The following HEXA variants were observed in gnomAD, a reference collection of about 807,000 sequenced individuals.
HEXA encodes hexosaminidase subunit alpha, also known as beta-hexosaminidase subunit alpha.
A neutral mutation model predicts 73.3 loss-of-function variants in HEXA; 54 were observed. The observed-to-expected ratio is 0.74, with a 90% CI of 0.59 to 0.92. The LOEUF (loss-of-function observed/expected upper bound fraction) is 0.92, where lower values mean the gene tolerates loss of function less well. Ranked by LOEUF, HEXA falls within the 40% of genes least tolerant of loss-of-function variation. The pLI, the probability that HEXA is intolerant of heterozygous loss-of-function variation, is 0.00. For synonymous variants in HEXA, 230 were observed against 246.9 expected, an observed-to-expected ratio of 0.93 and a Z score of 0.64; for missense variants, 649 against 653.0, an observed-to-expected ratio of 0.99 and a Z score of 0.07.
At chr15:72,365,839 T>C (rs2088909064) in intron 1 of HEXA, among the ~76,000 whole-genome samples, 1 of 152,232 alleles carries the variant, frequency 6.6e-6, no homozygotes, top group Non-Finnish European at 1.5e-5. Flanking sequence ...ATCTATTTTC[T>C]TGGTAATCTT....
rs28941770 is a variant in HEXA at position 72,353,105 on chromosome 15, C to T, written c.533G>A (p.Arg178His). 6.2e-5 allele frequency: 100 copies of T among 1,613,298 alleles called. No homozygotes were observed. The highest frequency in any genetic ancestry group is 1.0e-4 in the Admixed American group (6 of 60,002). The change falls in exon 5 of 14, where the codon CGC becomes CAC. Residue 178 changes from arginine (R) to histidine (H), a missense_variant. Arg to His is a conservative substitution (Grantham distance 29). Transcript: ENST00000268097. ...PHRGLLLDTS[R>H]HYLPLSSILD... ...GATGCTAGAGAGTGGCAGGTAATGG[C>T]GAGATGTATCCAACAGCAAGCCCCG...
chr15:72,345,549 G>A lies in HEXA; in HGVS notation c.1423C>T (p.Pro475Ser). ...CTTTCGGCAACAGCCCCTGCTCTGG[G>A]CCTGGAGGAAAAGGGGCATGTGCCA... The part of the protein sequence containing the change: ...DNTNLVPRLW[P>S]RAGAVAERLW... Residue 475 changes from proline to serine, a missense_variant and splice_region_variant, in exon 13 of 14, where the codon CCC becomes TCC. Physicochemically the swap from Pro to Ser is moderately conservative, Grantham distance 74. Transcript: ENST00000268097. The A allele has an allele frequency of 6.2e-7, 1 of 1,614,150 alleles. No homozygotes were observed. The highest frequency in any genetic ancestry group is 8.5e-7 in the Non-Finnish European group (1 of 1,180,012).
chr15:72,347,843 C>A, intron 9 of HEXA, 85 bp from the exon 10 acceptor site: 5 of 1,330,596 alleles, frequency 3.8e-6, no homozygotes, highest in Non-Finnish European at 5.4e-6. Flanking sequence ...AGGGGTTGAG[C>A]CTGGCCAGGG....
At chr15:72,350,385 G>A (rs1464653903) in intron 7 of HEXA, 133 bp downstream of exon 7, 1 of 945,968 alleles carries the variant, frequency 1.1e-6, no homozygotes, top group Non-Finnish European at 1.7e-6. Context: ...TAAATTCCCA[G>A]GTGGAAGAAG....
intron 1 of HEXA, among the ~76,000 whole-genome samples, chr15:72,365,260 T>A (rs549202139): frequency 2.8e-4 from 43 of 152,080 alleles, no homozygotes; most frequent in Admixed American, 1.1e-3. Flanking sequence ...CGGCTAATTT[T>A]TTATTATTAT....
At position 72,375,974 on chromosome 15, in the gene HEXA, G is replaced by A; in HGVS notation, c.-2C>T. 2 of 1,613,242 alleles carry A rather than the reference G, an allele frequency of 1.2e-6. No homozygotes were observed. Among genetic ancestry groups the A allele is most frequent in the Non-Finnish European group, 1.7e-6 (2 of 1,180,000 alleles). ...AAACCAAAGCCTGGAGCTTGTCATG[G>A]CCCGCTGGTCTCCCCTCTCGGAGGG... is the stretch of plus-strand genomic sequence containing the variant. On this transcript the variant is annotated 5_prime_UTR_variant, in exon 1 of 14. Coordinates refer to ENST00000268097, the MANE Select transcript of HEXA (RefSeq NM_000520.6).
chr15:72,354,323 CAGA>C (rs1480776614), intron 3 of HEXA: 4 of 157,350 alleles, frequency 2.5e-5, no homozygotes, highest in African/African-American at 9.6e-5. Flanking sequence ...GCAACTGCCC[CAGA>C]AGGACTCCCC....
intron 8 of HEXA, 85 bp from the exon 9 acceptor site, chr15:72,348,219 C>T (rs2088644765): frequency 3.3e-6 from 3 of 899,440 alleles, no homozygotes; most frequent in Non-Finnish European, 5.5e-6. Flanking sequence ...CCCCCTATAA[C>T]TTCCTCTTTT....
Position 72,344,904 on chromosome 15 carries a change from G to A in HEXA, c.1526+542C>T, listed in dbSNP as rs2088589994. 2.0e-5 allele frequency among the ~76,000 whole-genome samples: 3 copies of A among 152,314 alleles called. 1 individual carries two copies. The South Asian group carries it at 6.2e-4, about 32-fold the overall frequency. Reference sequence around the variant, plus strand: ...TGTAAGTCAGCCTGGTTCAAATCCTGCTTCTTAGTGACTTTGGGCAAGGTC... The same window carrying A: ...TGTAAGTCAGCCTGGTTCAAATCCTACTTCTTAGTGACTTTGGGCAAGGTC... On this transcript the variant is annotated intron_variant, in intron 13 of 13. Transcript: ENST00000268097.
intron 1 of HEXA, among the ~76,000 whole-genome samples, chr15:72,369,684 T>C (rs983720575): frequency 6.6e-6 from 1 of 152,114 alleles, no homozygotes; most frequent in Non-Finnish European, 1.5e-5. Context: ...ACTATAGGCA[T>C]GAGACACCAT....
intron 1 of HEXA, among the ~76,000 whole-genome samples, chr15:72,372,065 A>T (rs887305555): frequency 6.6e-6 from 1 of 152,152 alleles, no homozygotes; most frequent in Non-Finnish European, 1.5e-5. Flanking sequence ...GAATGCAGTC[A>T]TGGCCAGGTG....
intron 1 of HEXA, among the ~76,000 whole-genome samples, chr15:72,366,091 C>T (rs1255106779): frequency 1.3e-5 from 2 of 152,094 alleles, no homozygotes; most frequent in African/African-American, 4.8e-5. Context: ...CTGGCTCTCC[C>T]CAGGAATACC....
intron 1 of HEXA, among the ~76,000 whole-genome samples, chr15:72,374,026 G>A (rs865970619): frequency 4.6e-4 from 66 of 143,346 alleles, no homozygotes; most frequent in African/African-American, 8.1e-4. Flanking sequence ...AAAAAAAAAA[G>A]GAAAGGAATT....
At chr15:72,351,321 G>A (rs1031884101) in intron 5 of HEXA, 87 bp from the exon 6 acceptor site, 13 of 835,434 alleles carry the variant, frequency 1.6e-5, no homozygotes, top group Admixed American at 5.3e-5. Flanking sequence ...CTCTCAGGCC[G>A]CTCCACACAC....
Position 72,343,982 on chromosome 15 carries a change from GA to G in HEXA, c.*94del. 9.3e-7 allele frequency: 1 copy of G among 1,080,696 alleles called. No individual in the cohort carries two copies. Among genetic ancestry groups the G allele is most frequent in the Non-Finnish European group, 1.4e-6 (1 of 700,134 alleles). The allele number at this position is 1,080,696 out of a possible 1,614,324, so 66.9% of individuals were successfully genotyped here. ...ACAGGGGCACGCAGGCAAGGGGCAC[GA>G]AGGCAAGGGGCTCCGTCCCCTGGCC... On this transcript the variant is annotated 3_prime_UTR_variant, in exon 14 of 14. Coordinates refer to ENST00000268097, the MANE Select transcript of HEXA (RefSeq NM_000520.6).
rs1057519464 is a variant in HEXA at position 72,347,711 on chromosome 15, T to C, written c.1121A>G (p.Gln374Arg). 3 of 1,614,196 alleles carry C rather than the reference T, an allele frequency of 1.9e-6. No individual in the cohort carries two copies. Among genetic ancestry groups the C allele is most frequent in the Middle Eastern group, 1.6e-4 (1 of 6,062 alleles). Residue 374 changes from glutamine to arginine, a missense_variant, in exon 10 of 14, where the codon CAG (glutamine) becomes CGG (arginine). Gln to Arg is a conservative substitution (Grantham distance 43, BLOSUM62 1). Coordinates refer to ENST00000268097, the MANE Select transcript of HEXA (RefSeq NM_000520.6). ...CTTTACTTTATTATCAAACACCTCC[T>C]GCCACACCACATAGCCCTTGCCATA... ...SSYGKGYVVWQEVFDNKVKIQ... is the reference protein window; with the variant it reads ...SSYGKGYVVWREVFDNKVKIQ...
chr15:72,375,184 GT>G (rs1314709803), intron 1 of HEXA, among the ~76,000 whole-genome samples: 2 of 151,984 alleles, frequency 1.3e-5, no homozygotes, highest in Non-Finnish European at 2.9e-5. Context: ...CACCTCATGG[GT>G]TCAACCGATT....
intron 1 of HEXA, among the ~76,000 whole-genome samples, chr15:72,360,683 G>A (rs2088841653): frequency 6.6e-6 from 1 of 152,160 alleles, no homozygotes; most frequent in African/African-American, 2.4e-5. Context: ...CTCCCTAGAG[G>A]AAATGTAGCC....
intron 1 of HEXA, among the ~76,000 whole-genome samples, chr15:72,363,784 G>C (rs2088882110): frequency 6.6e-6 from 1 of 151,918 alleles, no homozygotes; most frequent in Non-Finnish European, 1.5e-5. Flanking sequence ...AAAAGCTGTA[G>C]TTAAAAATTT....
Sources: gnomAD v4.1 joint callset for allele counts (sites outside exome capture counted in the v4.1 genomes callset) on GRCh38, gnomAD v4.1.1 for gene constraint, MANE v1.5 for transcripts, NCBI Gene and HGNC (gene_info 2026-07-23, HGNC 2026-07-21) for gene names.